LIMS1: variants seen among roughly 807,000 people sequenced by gnomAD.
LIMS1 encodes the protein LIM and senescent cell antigen-like-containing domain protein 1.
A neutral mutation model predicts 44.1 loss-of-function variants in LIMS1; 18 were observed. The ratio of observed to expected loss-of-function variants is 0.41; its 90% CI spans 0.28 to 0.61. The LOEUF (loss-of-function observed/expected upper bound fraction) is 0.61. Among genes scored for constraint, LIMS1 ranks in the 20% least tolerant of loss-of-function variants. LIMS1 has a pLI of 0.32. For synonymous variants in LIMS1, 93 were observed against 149.1 expected, an observed-to-expected ratio of 0.62 and a Z score of 2.74; for missense variants, 201 against 422.0, an observed-to-expected ratio of 0.48 and a Z score of 4.59.
At chr2:108,636,883 C>CT (rs1224587681) in intron 1 of LIMS1, among the ~76,000 whole-genome samples, 3 of 152,090 alleles carry the variant, frequency 2.0e-5, no homozygotes, top group Non-Finnish European at 4.4e-5. Flanking sequence ...GGAGATGCTG[C>CT]TAGCCTGGTT....
At chr2:108,596,939 GAGTC>G (rs1686734416) in intron 1 of LIMS1, among the ~76,000 whole-genome samples, 1 of 39,060 alleles carries the variant, frequency 2.6e-5, no homozygotes, top group African/African-American at 1.2e-4. Flanking sequence ...TTTTTTTTTT[GAGTC>G]TTGCTCTGTT....
At chr2:108,630,323 T>C (rs1489750660) in intron 1 of LIMS1, among the ~76,000 whole-genome samples, 4 of 152,188 alleles carry the variant, frequency 2.6e-5, no homozygotes, top group Non-Finnish European at 5.9e-5. Context: ...TTCACTGCAC[T>C]GCTATAGGAA....
At chr2:108,642,989 C>T (rs1689811966) in intron 1 of LIMS1, among the ~76,000 whole-genome samples, 1 of 152,176 alleles carries the variant, frequency 6.6e-6, no homozygotes, top group African/African-American at 2.4e-5. Flanking sequence ...AGATTTGCCG[C>T]AGTAGGTCAA....
At chr2:108,662,243 G>A (rs2148975336) in intron 2 of LIMS1, 2 of 1,612,016 alleles carry the variant, frequency 1.2e-6, no homozygotes, top group East Asian at 2.2e-5. Context: ...GAACATGATG[G>A]TTAAGCTACC....
chr2:108,621,342 T>G (rs757758650), intron 1 of LIMS1: 1 of 1,550,440 alleles, frequency 6.4e-7, no homozygotes, highest in African/African-American at 1.4e-5. Context: ...GCAATTGATG[T>G]GTGGAGAGAA....
chr2:108,577,884 C>T (rs977206167), intron 1 of LIMS1, among the ~76,000 whole-genome samples: 2 of 152,048 alleles, frequency 1.3e-5, no homozygotes, highest in Non-Finnish European at 2.9e-5. Context: ...AAATGCTATT[C>T]TGAGATTGTA....
intron 1 of LIMS1, among the ~76,000 whole-genome samples, chr2:108,565,532 G>C (rs1685264972): frequency 1.3e-5 from 2 of 152,140 alleles, no homozygotes; most frequent in Admixed American, 1.3e-4. Context: ...GGTAAGCAGG[G>C]AAATCATGAC....
At chr2:108,560,035 G>A (rs1421306460) in intron 1 of LIMS1, among the ~76,000 whole-genome samples, 1 of 152,102 alleles carries the variant, frequency 6.6e-6, no homozygotes, top group Non-Finnish European at 1.5e-5. Flanking sequence ...AGAGGTGGTG[G>A]AGAATGCCTT....
chr2:108,585,315 G>T (rs1349298880), intron 1 of LIMS1, among the ~76,000 whole-genome samples: 2 of 152,188 alleles, frequency 1.3e-5, no homozygotes, highest in African/African-American at 4.8e-5. Context: ...GATTGAAGGG[G>T]ACCAGGCTGG....
chr2:108,652,321 AAC>A (rs1690553416), intron 1 of LIMS1, among the ~76,000 whole-genome samples: 3 of 152,296 alleles, frequency 2.0e-5, no homozygotes, highest in African/African-American at 7.2e-5. Flanking sequence ...TGAACAGTGA[AAC>A]AAACTATGCA....
intron 1 of LIMS1, among the ~76,000 whole-genome samples, chr2:108,535,423 G>A (rs1302691620): frequency 2.0e-5 from 3 of 152,206 alleles, no homozygotes; most frequent in Middle Eastern, 3.2e-3. Context: ...TCCTTGGTCT[G>A]TCTTGCAGTT....
intron 1 of LIMS1, among the ~76,000 whole-genome samples, chr2:108,576,493 C>T (rs558438804): frequency 5.3e-5 from 8 of 152,196 alleles, no homozygotes; most frequent in African/African-American, 1.7e-4. Flanking sequence ...CTCTGCCTCC[C>T]GGGTTCAAGC....
intron 1 of LIMS1, among the ~76,000 whole-genome samples, chr2:108,539,336 C>T (rs549214707): frequency 2.0e-5 from 3 of 152,328 alleles, no homozygotes; most frequent in South Asian, 4.1e-4. Flanking sequence ...CCGCCCTTCT[C>T]GGCCTCTCAA....
At chr2:108,590,350 A>G (rs1380806624) in intron 1 of LIMS1, among the ~76,000 whole-genome samples, 1 of 152,256 alleles carries the variant, frequency 6.6e-6, no homozygotes, top group Non-Finnish European at 1.5e-5. Flanking sequence ...GAAAGAAAAC[A>G]TTAAAAAGAG....
chr2:108,653,066 A>G (rs1690612735), intron 1 of LIMS1, among the ~76,000 whole-genome samples: 1 of 152,240 alleles, frequency 6.6e-6, no homozygotes, highest in South Asian at 2.1e-4. Flanking sequence ...TGTAGCCCAC[A>G]GCCTTTGAGT....
intron 1 of LIMS1, among the ~76,000 whole-genome samples, chr2:108,552,585 GGTGTGTGT>G (rs151262934): frequency 0.16 from 16,282 of 101,794 alleles, 1,060 homozygotes; most frequent in South Asian, 0.27. Flanking sequence ...ATATATTTTG[GGTGTGTGT>G]GTGTGTGTGT....
At chr2:108,631,359 C>A (rs1688911805) in intron 1 of LIMS1, among the ~76,000 whole-genome samples, 1 of 152,148 alleles carries the variant, frequency 6.6e-6, no homozygotes, top group Non-Finnish European at 1.5e-5. Context: ...TTCTGCAAGT[C>A]AGTTATTTTT....
At chr2:108,551,624 A>ATATATATGTATATC (rs1558783902) in intron 1 of LIMS1, among the ~76,000 whole-genome samples, 1,702 of 142,514 alleles carry the variant, frequency 0.012, 48 homozygotes, top group African/African-American at 0.044. Flanking sequence ...ATATGTATAT[A>ATATATATGTATATC]TGTGTATATA....
chr2:108,605,604 C>T (rs1013471136), intron 1 of LIMS1, among the ~76,000 whole-genome samples: 4 of 152,120 alleles, frequency 2.6e-5, no homozygotes, highest in African/African-American at 9.7e-5. Flanking sequence ...CTACTACATG[C>T]CCAGCACATG....
Sources: allele counts gnomAD v4.1 joint callset (sites outside exome capture counted in the v4.1 genomes callset), GRCh38; gene constraint gnomAD v4.1.1; transcripts MANE v1.5; gene names NCBI Gene and HGNC (gene_info 2026-07-23, HGNC 2026-07-21).